Variants in APOB observed in about 807,000 individuals in gnomAD.
APOB encodes the protein apolipoprotein B, also known as apolipoprotein B-100.
Under a neutral mutation model 314.1 loss-of-function variants are expected in APOB, and 153 were observed. The ratio of observed to expected loss-of-function variants is 0.49; its 90% CI spans 0.43 to 0.56. APOB has a LOEUF of 0.56. APOB is among the 20% of genes least tolerant of loss of function. APOB has a pLI of 0.00. For missense variants in APOB, 5,430 were observed against 5,350.7 expected (o/e 1.01, Z -0.46); for synonymous variants, 2,087 against 2,036.4 (o/e 1.02, Z -0.67).
rs758450840 is a variant in APOB, at chr2:21,043,911, A to G, written c.35T>C (p.Leu12Pro). Residue 12 changes from leucine to proline, a missense_variant, in exon 1 of 29, where the codon CTG (leucine) becomes CCG (proline). Coordinates refer to ENST00000233242, the MANE Select transcript of APOB (RefSeq NM_000384.3). ...CAGCAGCAGCAGCGCAGGCAGCGCC[A>G]GCAGCGCCAGCAGCGCGGGCCTCGG... is the stretch of plus-strand genomic sequence containing the variant. The part of the protein sequence containing the change: ...DPPRPALLAL[L>P]ALPALLLLLL... 3.3e-4 allele frequency: 227 copies of G among 683,704 alleles called. No individual in the cohort carries two copies. In the East Asian group the frequency reaches 3.3e-3, roughly 10 times the overall value. 42.4% of individuals were successfully genotyped at this position (683,704 alleles called of 1,614,324 possible). A position where few individuals can be genotyped will look rare whatever the true frequency, so the allele number is the denominator to read the frequency against.
At position 21,002,764 on chromosome 2, in the gene APOB, A is replaced by G; in HGVS notation, c.12658T>C (p.Phe4220Leu). The change falls in exon 29 of 29, where the codon TTC becomes CTC. Residue 4220 changes from phenylalanine to leucine, a missense_variant. Phe to Leu is a conservative substitution (Grantham distance 22). This residue lies in a region of APOB where 3,281 missense variants were observed against 3,171.0 expected (regional missense o/e 1.03). Transcript: ENST00000233242. Reference protein sequence around the residue: ...IYTREELCTMFIREVGTVLSQ... With the variant: ...IYTREELCTMLIREVGTVLSQ... Reference sequence around the variant, plus strand: ...AGTACCGTCCCTACCTCCCTTATGAACATAGTGCAAAGTTCCTCCCTAGTG... The same window carrying G: ...AGTACCGTCCCTACCTCCCTTATGAGCATAGTGCAAAGTTCCTCCCTAGTG... 1 of 1,608,654 alleles carries G rather than the reference A, an allele frequency of 6.2e-7. No homozygotes were observed. Among genetic ancestry groups the G allele is most frequent in the South Asian group, 1.1e-5 (1 of 90,330 alleles).
At chr2:21,020,799 G>A (rs552255504) in intron 18 of APOB, among the ~76,000 whole-genome samples, 10 of 152,326 alleles carry the variant, frequency 6.6e-5, no homozygotes, top group Admixed American at 2.0e-4. Flanking sequence ...GAGTCCTAAT[G>A]CCAGCTTTCG....
intron 4 of APOB, among the ~76,000 whole-genome samples, chr2:21,040,642 G>C (rs1664107728): frequency 1.3e-5 from 2 of 152,162 alleles, no homozygotes; most frequent in Non-Finnish European, 2.9e-5. Context: ...GTCTTGACTA[G>C]TTCTTTAAAT....
Position 21,011,561 on chromosome 2 carries a change from T to C in APOB, c.5307A>G (p.Lys1769=). ...TGTCAGAGCTGTAAATGTTGTCAAG[T>C]TTTGAAGAGAAGTCCAGTGATAAGC... ...IAGLSLDFSS[K]LDNIYSSDKF... The change falls in exon 26 of 29, where the codon AAA becomes AAG. Residue 1769 remains lysine, a synonymous_variant. Transcript: ENST00000233242. The C allele has an allele frequency of 1.2e-6, 2 of 1,614,134 alleles. No homozygotes were observed. Among genetic ancestry groups the C allele is most frequent in the South Asian group, 2.2e-5 (2 of 91,084 alleles).
At chr2:21,027,302 T>A (rs1188272881) in intron 14 of APOB, among the ~76,000 whole-genome samples, 1 of 139,158 alleles carries the variant, frequency 7.2e-6, no homozygotes, top group Non-Finnish European at 1.6e-5. Flanking sequence ...ACATTTGCAT[T>A]TCAATTTTTT....
In APOB at chr2:21,002,808, G is replaced by A. The variant is rs375471570; in HGVS notation, c.12614C>T (p.Pro4205Leu). ...CCTAGTGTATATCCCAGGTTTCCCCGGAAACTGGAATCTGGGGAAGTTCAG... is the reference window on the plus strand; with the variant it reads ...CCTAGTGTATATCCCAGGTTTCCCCAGAAACTGGAATCTGGGGAAGTTCAG... ...DFLNFPRFQF[P>L]GKPGIYTREE... The change falls in exon 29 of 29, where the codon CCG (proline) becomes CTG (leucine). Residue 4205 changes from proline (P) to leucine (L), a missense_variant. By Grantham distance (98) the Pro-to-Leu change is moderately conservative. Coordinates refer to ENST00000233242, the MANE Select transcript of APOB (RefSeq NM_000384.3). 3.8e-5 allele frequency: 61 copies of A among 1,610,244 alleles called. No homozygotes were observed. Among genetic ancestry groups the A allele is most frequent in the East Asian group, 2.0e-4 (9 of 44,848 alleles).
chr2:21,014,196 G>A (rs1024850051), intron 24 of APOB, among the ~76,000 whole-genome samples: 15 of 152,194 alleles, frequency 9.9e-5, no homozygotes, highest in African/African-American at 3.6e-4. Flanking sequence ...ATAACAGGTT[G>A]TACTGAATAA....
chr2:21,018,087 G>T lies in APOB; in HGVS notation c.3121+905C>A, dbSNP rs374897675. Among the ~76,000 whole-genome samples, 777 of 152,176 alleles carry T rather than the reference G, an allele frequency of 5.1e-3. 4 individuals carry two copies. Among genetic ancestry groups the T allele is most frequent in the African/African-American group, 0.018 (744 of 41,528 alleles). On this transcript the variant is annotated intron_variant, in intron 20 of 28. Transcript: ENST00000233242. The stretch of plus-strand genomic sequence containing the variant: ...TGCCCGGGCCAAAAACCTTAGGTTT[G>T]TCTTCATTCCCCTTTTCCTCTTACA...
At chr2:21,020,466 G>A (rs1663579598) in intron 18 of APOB, among the ~76,000 whole-genome samples, 1 of 152,142 alleles carries the variant, frequency 6.6e-6, no homozygotes, top group African/African-American at 2.4e-5. Flanking sequence ...TCCATCTCCT[G>A]AAAATGCTTT....
rs61744153 is a variant in APOB at position 21,005,391 on chromosome 2, G to A, written c.11477C>T (p.Thr3826Met). 3,883 of 1,614,074 alleles carry A rather than the reference G, an allele frequency of 2.4e-3. 13 individuals carry two copies. Among genetic ancestry groups the A allele is most frequent in the Admixed American group, 3.0e-3 (183 of 60,018 alleles). The change falls in exon 26 of 29, where the codon ACG (threonine) becomes ATG (methionine). Residue 3826 changes from threonine (T) to methionine (M), a missense_variant. Transcript: ENST00000233242. ...GCCATCTGAAACACTTTTTGGAAGC[G>A]TGAACTGGGACACAGTTAACTGAGA... ...PESQLTVSQFTLPKSVSDGIA... is the reference protein window; with the variant it reads ...PESQLTVSQFMLPKSVSDGIA...
chr2:21,037,159 A>C lies in APOB; in HGVS notation c.634T>G (p.Cys212Gly). The change falls in exon 6 of 29, where the codon TGT becomes GGT. Residue 212 changes from cysteine to glycine, a missense_variant. Transcript: ENST00000233242. Reference sequence around the variant, plus strand: ...GTGCGGATGGGCTTGAAGCGATCACACTGCCCCAGGTCTCTTTCAGTGGAT... The same window carrying C: ...GTGCGGATGGGCTTGAAGCGATCACCCTGCCCCAGGTCTCTTTCAGTGGAT... ...EISTERDLGQ[C>G]DRFKPIRTGI... 2 of 1,614,154 alleles carry C rather than the reference A, an allele frequency of 1.2e-6. No homozygotes were observed. Among genetic ancestry groups the C allele is most frequent in the Middle Eastern group, 1.6e-4 (1 of 6,062 alleles).
rs770408875 is a variant in APOB, at chr2:21,002,795, C to G, written c.12627G>C (p.Gly4209=). Residue 4209 remains glycine, a synonymous_variant, in exon 29 of 29, where the codon GGG becomes GGC. Coordinates refer to ENST00000233242, the MANE Select transcript of APOB (RefSeq NM_000384.3). ...TGCAAAGTTCCTCCCTAGTGTATATCCCAGGTTTCCCCGGAAACTGGAATC... is the reference window on the plus strand; with the variant it reads ...TGCAAAGTTCCTCCCTAGTGTATATGCCAGGTTTCCCCGGAAACTGGAATC... ...FPRFQFPGKP[G]IYTREELCTM... 6.2e-7 allele frequency: 1 copy of G among 1,609,590 alleles called. No homozygotes were observed. Among genetic ancestry groups the G allele is most frequent in the South Asian group, 1.1e-5 (1 of 90,352 alleles).
chr2:21,016,298 A>AG, intron 21 of APOB, 141 bp downstream of exon 21: 1 of 619,824 alleles, frequency 1.6e-6, no homozygotes, highest in East Asian at 2.7e-5. Flanking sequence ...AAAAAAAAAA[A>AG]AATTGTTGAG....
In APOB at chr2:21,005,497, A is replaced by C; in HGVS notation, c.11371T>G (p.Phe3791Val). 1 of 1,614,042 alleles carries C rather than the reference A, an allele frequency of 6.2e-7. No homozygotes were observed. The highest frequency in any genetic ancestry group is 8.5e-7 in the Non-Finnish European group (1 of 1,179,960). ...LNLPTLPEVK[F>V]PEVDVLTKYS... is the part of the protein sequence containing the mutation. ...TTTGTTAACACATCAACTTCAGGGA[A>C]TTTTACCTCGGGGAGTGTTGGTAGG... The change falls in exon 26 of 29, where the codon TTC (phenylalanine) becomes GTC (valine). Residue 3791 changes from phenylalanine (F) to valine (V), a missense_variant. Coordinates refer to ENST00000233242, the MANE Select transcript of APOB (RefSeq NM_000384.3).
Position 21,033,157 on chromosome 2 carries a change from C to A in APOB, c.1124+142G>T. 4 of 701,298 alleles carry A rather than the reference C, an allele frequency of 5.7e-6. No individual in the cohort carries two copies. In the South Asian group the frequency reaches 6.6e-5, roughly 12 times the overall value. 43.4% of individuals were successfully genotyped at this position (701,298 alleles called of 1,614,324 possible). On this transcript the variant is annotated intron_variant, in intron 9 of 28. Coordinates refer to ENST00000233242, the MANE Select transcript of APOB (RefSeq NM_000384.3). ...AGCGCAGCAGCTGATAGTTCTCTAT[C>A]CAGCAATCATGAACTGATTGACTAA...
chr2:21,011,208 G>C lies in APOB; in HGVS notation c.5660C>G (p.Ser1887Ter). Residue 1887 changes from serine to a stop codon, truncating the protein, a stop_gained, in exon 26 of 29, where the codon TCA becomes TGA. Transcript: ENST00000233242. LOFTEE classifies it high-confidence loss of function. ...SAIDMSTNYN[S>*]DSLHFSNVFR... ...GACATTGCTGAAATGCAGTGAGTCT[G>C]AATTATAGTTTGTGCTCATGTCAAT... 6.2e-7 allele frequency: 1 copy of C among 1,614,176 alleles called. No homozygotes were observed. Among genetic ancestry groups the C allele is most frequent in the Non-Finnish European group, 8.5e-7 (1 of 1,180,020 alleles).
At chr2:21,025,764 A>G (rs1663716690) in intron 15 of APOB, among the ~76,000 whole-genome samples, 2 of 152,232 alleles carry the variant, frequency 1.3e-5, no homozygotes, top group Admixed American at 1.3e-4. Flanking sequence ...ATGTGCATAC[A>G]AGTCACATGA....
chr2:21,035,103 C>T (rs555842615), intron 7 of APOB, among the ~76,000 whole-genome samples: 3 of 152,310 alleles, frequency 2.0e-5, no homozygotes, highest in Admixed American at 6.5e-5. Flanking sequence ...AAAAGACATG[C>T]GTGCCTTATA....
Position 21,009,973 on chromosome 2 carries a change from C to G in APOB, c.6895G>C (p.Asp2299His), listed in dbSNP as rs12713681. Residue 2299 changes from aspartate to histidine, a missense_variant, in exon 26 of 29, where the codon GAT (aspartate) becomes CAT (histidine). Asp to His is a moderately conservative substitution (Grantham distance 81). Transcript: ENST00000233242. The part of the protein sequence containing the change: ...IEAIDVRVLL[D>H]QLGTTISFER... ...AATGAAATTGTAGTTCCCAATTGAT[C>G]TAAAAGCACTCTAACATCAATAGCC... is the stretch of plus-strand genomic sequence containing the variant. 2,206 of 1,613,804 alleles carry G rather than the reference C, an allele frequency of 1.4e-3. 22 individuals are homozygous for G. The African/African-American group carries it at 0.025, about 18-fold the overall frequency.
Sources: gnomAD v4.1 joint callset for allele counts (sites outside exome capture counted in the v4.1 genomes callset) on GRCh38, gnomAD v4.1.1 for gene constraint, gnomAD v4.1.1 regional missense constraint, MANE v1.5 for transcripts, NCBI Gene and HGNC (gene_info 2026-07-23, HGNC 2026-07-21) for gene names.